The following DMD variants were observed in gnomAD, a reference collection of about 807,000 sequenced individuals.
DMD encodes dystrophin.
In DMD, 63 loss-of-function variants were observed where a neutral mutation model predicts 330.1. The observed-to-expected ratio is 0.19, with a 90% CI of 0.16 to 0.24. The LOEUF (loss-of-function observed/expected upper bound fraction) is 0.24. Ranked by LOEUF, DMD falls within the 10% of genes least tolerant of loss-of-function variation. The pLI is 1.00. For missense variants in DMD, 3,344 were observed against 2,684.1 expected, an observed-to-expected ratio of 1.25 and a Z score of -5.43; for synonymous variants, 1,223 against 959.8, an observed-to-expected ratio of 1.27 and a Z score of -5.07.
At chrX:32,824,351 C>T (rs2078521118) in intron 4 of DMD, among the ~76,000 whole-genome samples, 1 of 112,007 alleles carries the variant, frequency 8.9e-6, no homozygotes, top group Admixed American at 9.5e-5. Flanking sequence ...ACTGGGAACC[C>T]AGATGCCCTC....
In DMD at chrX:32,649,853, C is replaced by T. The variant is rs753653071; in HGVS notation, c.961-4701G>A. 8.1e-5 allele frequency among the ~76,000 whole-genome samples: 9 copies of T among 110,878 alleles called. No individual in the cohort carries two copies. The East Asian group carries it at 2.6e-3, about 32-fold the overall frequency. Reference sequence around the variant, plus strand: ...TTAACCTCTCTGCATCTCAGTTACCCCATCTATAAAACAAGAAAAATAAAA... The same window carrying T: ...TTAACCTCTCTGCATCTCAGTTACCTCATCTATAAAACAAGAAAAATAAAA... On this transcript the variant is annotated intron_variant, in intron 9 of 78. Transcript: ENST00000357033.
Position 31,627,862 on chromosome X carries a change from C to G in DMD, c.8028G>C (p.Arg2676Ser). 1.7e-6 allele frequency: 2 copies of G among 1,205,134 alleles called. No homozygotes were observed. Among genetic ancestry groups the G allele is most frequent in the Non-Finnish European group, 2.2e-6 (2 of 891,532 alleles). Residue 2676 changes from arginine (R) to serine (S), a missense_variant and splice_region_variant, in exon 55 of 79, where the codon AGG (arginine) becomes AGC (serine). Physicochemically the swap from Arg to Ser is moderately radical, Grantham distance 110. Transcript: ENST00000357033. ...INASWRSIHK[R>S]VSEREAALEE... ...CCAAAGCAGCCTCTCGCTCACTCACCCTGCAAAGGACCAAATGTTCAGATG... is the reference window on the plus strand; with the variant it reads ...CCAAAGCAGCCTCTCGCTCACTCACGCTGCAAAGGACCAAATGTTCAGATG...
At chrX:32,641,558 T>G (rs962753815) in intron 11 of DMD, 1 of 164,357 alleles carries the variant, frequency 6.1e-6, no homozygotes, top group South Asian at 1.5e-4. Flanking sequence ...AGCAACCTAA[T>G]AGTAAGTATG....
chrX:31,998,902 G>A (rs2095607215), intron 44 of DMD, among the ~76,000 whole-genome samples: 1 of 111,800 alleles, frequency 8.9e-6, no homozygotes, highest in Non-Finnish European at 1.9e-5. Flanking sequence ...ACACCATGCT[G>A]ACAGAAGATA....
intron 1 of DMD, among the ~76,000 whole-genome samples, chrX:33,242,309 C>G (rs1371193670): frequency 9.0e-6 from 1 of 111,299 alleles, no homozygotes; most frequent in Non-Finnish European, 1.9e-5. Context: ...TATTCTTATG[C>G]CTTTGTGTTC....
chrX:32,259,929 A>G (rs750939465), intron 43 of DMD, among the ~76,000 whole-genome samples: 1 of 111,670 alleles, frequency 9.0e-6, no homozygotes, highest in Non-Finnish European at 1.9e-5. Context: ...TGGGTTGGTC[A>G]AGAGAGCCTT....
chrX:32,543,475 G>A (rs891842390), intron 17 of DMD, among the ~76,000 whole-genome samples: 21 of 111,705 alleles, frequency 1.9e-4, no homozygotes, highest in African/African-American at 6.2e-4. Context: ...AGGCAACTAG[G>A]TGTCCCTATT....
intron 40 of DMD, 56 bp from the exon 41 acceptor site, chrX:32,342,338 C>A (rs902407365): frequency 5.2e-6 from 6 of 1,146,444 alleles, no homozygotes; most frequent in Non-Finnish European, 7.1e-6. Flanking sequence ...CATCAACCGA[C>A]TTGCAAGCAG....
intron 51 of DMD, among the ~76,000 whole-genome samples, chrX:31,752,610 C>A (rs2088683069): frequency 9.0e-6 from 1 of 111,017 alleles, no homozygotes; most frequent in African/African-American, 3.3e-5. Context: ...AACTGTGACT[C>A]CCTGAGGAAA....
intron 7 of DMD, among the ~76,000 whole-genome samples, chrX:32,800,453 T>G (rs2076471007): frequency 8.9e-6 from 1 of 111,909 alleles, no homozygotes; most frequent in African/African-American, 3.3e-5. Context: ...TGTATAAATG[T>G]GTACTTGGTG....
At chrX:31,800,172 G>A (rs976833496) in intron 50 of DMD, among the ~76,000 whole-genome samples, 2 of 112,898 alleles carry the variant, frequency 1.8e-5, no homozygotes, top group African/African-American at 6.4e-5. Context: ...TGGGGACTCT[G>A]TGTGGAGCTC....
At chrX:31,403,396 G>A (rs972465723) in intron 60 of DMD, among the ~76,000 whole-genome samples, 1 of 111,601 alleles carries the variant, frequency 9.0e-6, no homozygotes, top group African/African-American at 3.2e-5. Context: ...CATCTATGAC[G>A]TTAAATCCGC....
At chrX:31,530,043 T>G (rs2073602080) in intron 55 of DMD, among the ~76,000 whole-genome samples, 1 of 112,203 alleles carries the variant, frequency 8.9e-6, no homozygotes, top group African/African-American at 3.2e-5. Context: ...TGAAATTTAC[T>G]TTAAATTTTC....
intron 13 of DMD, among the ~76,000 whole-genome samples, chrX:32,574,745 T>C (rs916963418): frequency 9.0e-6 from 1 of 111,477 alleles, no homozygotes; most frequent in Non-Finnish European, 1.9e-5. Context: ...GAAAAATGTT[T>C]ATAACTCATA....
At chrX:31,931,736 T>C (rs1220370318) in intron 46 of DMD, among the ~76,000 whole-genome samples, 1 of 111,430 alleles carries the variant, frequency 9.0e-6, no homozygotes, top group Non-Finnish European at 1.9e-5. Context: ...TATATGAAGT[T>C]GTGAAGTTCT....
intron 45 of DMD, among the ~76,000 whole-genome samples, chrX:31,948,155 A>G (rs1238300529): frequency 9.0e-6 from 1 of 111,379 alleles, no homozygotes; most frequent in Non-Finnish European, 1.9e-5. Flanking sequence ...TTCACTTAGC[A>G]TAATGCCTTC....
intron 53 of DMD, among the ~76,000 whole-genome samples, chrX:31,665,781 T>C (rs1435901211): frequency 7.1e-5 from 8 of 111,897 alleles, no homozygotes; most frequent in African/African-American, 2.6e-4. Context: ...CTGTCTTACA[T>C]GGCTTCATGT....
At chrX:32,430,563 T>C (rs1444428080) in intron 29 of DMD, among the ~76,000 whole-genome samples, 2 of 111,994 alleles carry the variant, frequency 1.8e-5, no homozygotes, top group African/African-American at 6.5e-5. Context: ...TATTATTCTG[T>C]AACAGAACAC....
chrX:32,171,252 G>C (rs888297405), intron 44 of DMD, among the ~76,000 whole-genome samples: 2 of 111,572 alleles, frequency 1.8e-5, no homozygotes, highest in Admixed American at 1.9e-4. Context: ...ATATACTAAA[G>C]TGAGTAAAAT....
Sources: gnomAD v4.1 joint callset for allele counts (sites outside exome capture counted in the v4.1 genomes callset) on GRCh38, gnomAD v4.1.1 for gene constraint, MANE v1.5 for transcripts, NCBI Gene and HGNC (gene_info 2026-07-23, HGNC 2026-07-21) for gene names.